SMCO4: variants seen among roughly 807,000 people sequenced by gnomAD.
The protein encoded by SMCO4 is single-pass membrane protein with coiled-coil domains 4.
A neutral mutation model predicts 3.6 loss-of-function variants in SMCO4; 4 were observed. The observed-to-expected ratio is 1.11, with a 90% CI of 0.54 to 2.53. The LOEUF is 2.53. SMCO4 is among the 30% of genes most tolerant of loss of function. The pLI, the probability that SMCO4 is intolerant of heterozygous loss-of-function variation, is 0.02. For missense variants in SMCO4, 70 were observed against 80.8 expected (o/e 0.87, Z 0.51); for synonymous variants, 36 against 35.3 (o/e 1.02, Z -0.07).
At position 93,479,067 on chromosome 11, in the gene SMCO4, G is replaced by A. The variant is rs528994325; in HGVS notation, c.123C>T (p.Val41=). Residue 41 remains valine (V), a synonymous_variant, in exon 3 of 3, where the codon GTC becomes GTT. Coordinates refer to ENST00000298966, the MANE Select transcript of SMCO4 (RefSeq NM_020179.3). The part of the protein sequence containing the change: ...TTVVLPTLAV[V]VLLIVVFVYV... ...ACACAAACACCACGATCAAGAGCAC[G>A]ACCACGGCCAGCGTGGGCAGCACCA... is the stretch of plus-strand genomic sequence containing the variant. The A allele has an allele frequency of 7.4e-6, 12 of 1,613,846 alleles. No individual in the cohort carries two copies. The highest frequency in any genetic ancestry group is 6.7e-5 in the African/African-American group (5 of 75,064).
chr11:93,552,565 G>A, the SMCO4 span, among the ~76,000 whole-genome samples: 20,316 of 150,944 alleles, frequency 0.13, 1,821 homozygotes, highest in African/African-American at 0.25. Flanking sequence ...TCTGTCTCCC[G>A]GGTTCAAGCG....
intron 2 of SMCO4, among the ~76,000 whole-genome samples, chr11:93,491,685 T>C (rs898178009): frequency 1.3e-5 from 2 of 152,216 alleles, no homozygotes; most frequent in Non-Finnish European, 2.9e-5. Flanking sequence ...GGTTGTAAAA[T>C]TTTAAAATGT....
In SMCO4 at chr11:93,478,759, G is replaced by A. The variant is rs879098430; in HGVS notation, c.*251C>T. 47 of 929,198 alleles carry A rather than the reference G, an allele frequency of 5.1e-5. No individual in the cohort carries two copies. Among genetic ancestry groups the A allele is most frequent in the South Asian group, 1.9e-4 (7 of 36,910 alleles). The allele number at this position is 929,198 out of a possible 1,614,324, so 57.6% of individuals were successfully genotyped here. On this transcript the variant is annotated 3_prime_UTR_variant, in exon 3 of 3. Transcript: ENST00000298966. The stretch of plus-strand genomic sequence containing the variant: ...CACACACACACACACACACATGCGC[G>A]CGCGCTTTGAAGTCTGAAAGGCACA...
At chr11:93,550,356 T>C in the SMCO4 span, among the ~76,000 whole-genome samples, 2 of 151,764 alleles carry the variant, frequency 1.3e-5, no homozygotes, top group African/African-American at 2.4e-5. Context: ...CTCCCCAGGG[T>C]GTATCATTAA....
At chr11:93,519,129 C>T (rs1196966019) in intron 1 of SMCO4, among the ~76,000 whole-genome samples, 1 of 152,198 alleles carries the variant, frequency 6.6e-6, no homozygotes, top group Non-Finnish European at 1.5e-5. Context: ...TCAGAACCAA[C>T]CCAGGGTGCA....
chr11:93,526,309 A>AT (rs1949106712), intron 1 of SMCO4, among the ~76,000 whole-genome samples: 1 of 151,806 alleles, frequency 6.6e-6, no homozygotes, highest in South Asian at 2.1e-4. Context: ...CTAAAAAAAA[A>AT]AAAAAATTAG....
the SMCO4 span, among the ~76,000 whole-genome samples, chr11:93,551,761 G>A: frequency 0.15 from 23,328 of 152,220 alleles, 2,168 homozygotes; most frequent in East Asian, 0.38. Context: ...TGTTTAATGG[G>A]ATTGAATTTT....
chr11:93,531,856 A>G (rs114132759), intron 1 of SMCO4, among the ~76,000 whole-genome samples: 1,795 of 152,306 alleles, frequency 0.012, 29 homozygotes, highest in African/African-American at 0.04. Context: ...AGATAAATGC[A>G]TATCTGCTTG....
chr11:93,479,239 G>T lies in SMCO4; in HGVS notation c.-50C>A, dbSNP rs1208775335. ...TGTGTCCAGAGGGATTCCAGGAAGG[G>T]CCACACTCCTCTTGCCAAGGCTGGA... On this transcript the variant is annotated 5_prime_UTR_variant, in exon 3 of 3. Coordinates refer to ENST00000298966, the MANE Select transcript of SMCO4 (RefSeq NM_020179.3). The T allele has an allele frequency of 3.2e-6, 5 of 1,584,496 alleles. No homozygotes were observed.
intron 1 of SMCO4, among the ~76,000 whole-genome samples, chr11:93,518,050 C>T (rs1949023852): frequency 6.6e-6 from 1 of 152,204 alleles, no homozygotes. Context: ...AGTTTCAAAA[C>T]ATTTTCATCA....
At chr11:93,484,633 C>G (rs138126016) in intron 2 of SMCO4, among the ~76,000 whole-genome samples, 1 of 152,030 alleles carries the variant, frequency 6.6e-6, no homozygotes, top group African/African-American at 2.4e-5. Flanking sequence ...AACTTGCTGT[C>G]CAGCGAGGTC....
At chr11:93,542,114 G>GA (rs11417314) in intron 1 of SMCO4, among the ~76,000 whole-genome samples, 118,145 of 148,496 alleles carry the variant, frequency 0.8, 47,231 homozygotes, top group East Asian at 1. Flanking sequence ...TTGTAAAGGG[G>GA]AAAAAAAAAA....
At chr11:93,508,412 T>G (rs1313434161) in intron 1 of SMCO4, among the ~76,000 whole-genome samples, 2 of 152,150 alleles carry the variant, frequency 1.3e-5, no homozygotes, top group African/African-American at 4.8e-5. Flanking sequence ...TGATAAGAAG[T>G]CAAACTGTAG....
At chr11:93,535,932 T>G in intron 1 of SMCO4, 1 of 1,514,868 alleles carries the variant, frequency 6.6e-7, no homozygotes, top group South Asian at 1.3e-5. Context: ...CACATAAGAT[T>G]AGGGTCTTTT....
At chr11:93,481,398 C>G in intron 2 of SMCO4, 1 of 984,504 alleles carries the variant, frequency 1.0e-6, no homozygotes. Context: ...CTGAGCTCCT[C>G]TAAGCCTGAC....
intron 2 of SMCO4, among the ~76,000 whole-genome samples, chr11:93,488,648 G>A (rs1192301778): frequency 2.0e-5 from 3 of 152,272 alleles, no homozygotes; most frequent in East Asian, 3.9e-4. Context: ...GGTGTGAGGC[G>A]GGTGGGGACA....
At chr11:93,532,721 G>A (rs956876756) in intron 1 of SMCO4, among the ~76,000 whole-genome samples, 1 of 152,074 alleles carries the variant, frequency 6.6e-6, no homozygotes, top group Non-Finnish European at 1.5e-5. Flanking sequence ...TACCAAGGAC[G>A]GCCAGCAACC....
chr11:93,506,802 G>C (rs1252010234), intron 1 of SMCO4, among the ~76,000 whole-genome samples: 5 of 152,130 alleles, frequency 3.3e-5, no homozygotes, highest in Non-Finnish European at 7.4e-5. Context: ...ATTGATTCTT[G>C]AGTACACATC....
intron 2 of SMCO4, among the ~76,000 whole-genome samples, chr11:93,487,071 T>C (rs1179125380): frequency 2.0e-5 from 3 of 152,218 alleles, no homozygotes; most frequent in East Asian, 1.9e-4. Flanking sequence ...CTATGCTTTA[T>C]GCTATAAGCC....
Sources: gnomAD v4.1 joint callset for allele counts (sites outside exome capture counted in the v4.1 genomes callset) on GRCh38, gnomAD v4.1.1 for gene constraint, MANE v1.5 for transcripts, NCBI Gene and HGNC (gene_info 2026-07-23, HGNC 2026-07-21) for gene names.